The following PRKAB2 variants were observed in gnomAD, a reference collection of about 807,000 sequenced individuals.
The protein encoded by PRKAB2 is 5'-AMP-activated protein kinase subunit beta-2.
Under a neutral mutation model 29.8 loss-of-function variants are expected in PRKAB2, and 18 were observed. That is an observed-to-expected ratio of 0.60 (90% CI 0.42 to 0.89). PRKAB2 has a LOEUF of 0.89. PRKAB2 is among the 40% of genes least tolerant of loss of function. The pLI is 0.00. For synonymous variants in PRKAB2, 136 were observed against 125.9 expected, an observed-to-expected ratio of 1.08 and a Z score of -0.54; for missense variants, 270 against 344.3, an observed-to-expected ratio of 0.78 and a Z score of 1.71.
chr1:147,161,869 C>G (rs1424630790), intron 6 of PRKAB2, 89 bp from the exon 7 acceptor site: 4 of 1,075,238 alleles, frequency 3.7e-6, no homozygotes, highest in Non-Finnish European at 5.3e-6. Context: ...CCTCAGAGCT[C>G]TTTGAGAAAT....
chr1:147,172,043 CT>C lies in PRKAB2; in HGVS notation c.101del (p.Lys34ArgfsTer37). On this transcript the variant is annotated frameshift_variant, in exon 2 of 8. Transcript: ENST00000254101. LOFTEE classifies it high-confidence loss of function. ...AGGHAPGKEH[K>X]IMVGSTDDPS... ...GGTCGTCCGTACTCCCCACCATGAT[CT>C]TGTGCTCCTTCCCCGGGGCATGGCC... The C allele has an allele frequency of 6.3e-7, 1 of 1,590,086 alleles. No individual in the cohort carries two copies.
rs1015232042 is a variant in PRKAB2, at chr1:147,158,390, T to C, written c.*1175A>G. On this transcript the variant is annotated 3_prime_UTR_variant, in exon 8 of 8. Coordinates refer to ENST00000254101, the MANE Select transcript of PRKAB2 (RefSeq NM_005399.5). The stretch of plus-strand genomic sequence containing the variant: ...CTTTAGGTGCATCAAATGAGTTAAA[T>C]GAACTTGAGCAGTTTATCTAGAGCA... The C allele has an allele frequency of 2.6e-5, 4 of 152,176 alleles. No individual in the cohort carries two copies. The highest frequency in any genetic ancestry group is 7.2e-5 in the African/African-American group (3 of 41,446). The allele number at this position is 152,176 out of a possible 1,614,324, so 9.4% of individuals were successfully genotyped here. A position where few individuals can be genotyped will look rare whatever the true frequency, so the allele number is the denominator to read the frequency against.
intron 5 of PRKAB2, among the ~76,000 whole-genome samples, chr1:147,164,754 T>C (rs941350651): frequency 2.6e-5 from 4 of 152,132 alleles, no homozygotes; most frequent in Middle Eastern, 3.2e-3. Context: ...TAGTAAAAAA[T>C]GGATTATAAG....
intron 6 of PRKAB2, 50 bp from the exon 7 acceptor site, chr1:147,161,830 T>A (rs782089164): frequency 7.6e-6 from 11 of 1,445,848 alleles, no homozygotes; most frequent in Non-Finnish European, 9.5e-6. Context: ...ATGAAATTAA[T>A]GCACAGACAA....
At chr1:147,162,609 G>T (rs1553913219) in intron 5 of PRKAB2, 36 bp from the exon 6 acceptor site, 3 of 1,574,212 alleles carry the variant, frequency 1.9e-6, no homozygotes, top group Non-Finnish European at 2.6e-6. Context: ...GAAAGAGTTG[G>T]AGAATTAGCA....
intron 1 of PRKAB2, 121 bp downstream of exon 1, chr1:147,172,308 G>A (rs1412658921): frequency 1.0e-6 from 1 of 991,222 alleles, no homozygotes; most frequent in Non-Finnish European, 1.4e-6. Context: ...TCTCCCTCCT[G>A]GCCTGCGGGA....
intron 1 of PRKAB2, 24 bp downstream of exon 1, chr1:147,172,405 C>CA: frequency 1.8e-6 from 1 of 542,020 alleles, no homozygotes; most frequent in East Asian, 3.4e-5. Context: ...CGCTCACTGC[C>CA]AGGGGCGCCC....
At chr1:147,169,179 G>A (rs587654480) in intron 2 of PRKAB2, among the ~76,000 whole-genome samples, 1 of 151,730 alleles carries the variant, frequency 6.6e-6, no homozygotes, top group African/African-American at 2.4e-5. Flanking sequence ...TGAATAATGT[G>A]GGTTTTTTTT....
Position 147,166,503 on chromosome 1 carries a change from C to A in PRKAB2, c.533G>T (p.Cys178Phe), listed in dbSNP as rs1553913719. The change falls in exon 5 of 8, where the codon TGT becomes TTT. Residue 178 changes from cysteine (C) to phenylalanine (F), a missense_variant. Physicochemically the swap from Cys to Phe is radical, Grantham distance 205 (BLOSUM62 -2). Coordinates refer to ENST00000254101, the MANE Select transcript of PRKAB2 (RefSeq NM_005399.5). ...AGTAAATAATACAAAATTACCTCTA[C>A]AAGATGTCTCAGAACTTTCCATAGA... The part of the protein sequence containing the change: ...LDSMESSETS[C>F]RDLSSSPPGP... 8.7e-6 allele frequency: 14 copies of A among 1,613,268 alleles called. 1 individual carries two copies. Among genetic ancestry groups the A allele is most frequent in the Middle Eastern group, 1.7e-4 (1 of 6,046 alleles).
At chr1:147,159,695 G>C in intron 7 of PRKAB2, 53 bp from the exon 8 acceptor site, 1 of 1,487,058 alleles carries the variant, frequency 6.7e-7, no homozygotes, top group Non-Finnish European at 9.4e-7. Context: ...ACAGTAGGTA[G>C]CTCTTCCCAG....
At chr1:147,169,257 C>T (rs1265110514) in intron 2 of PRKAB2, among the ~76,000 whole-genome samples, 1 of 152,142 alleles carries the variant, frequency 6.6e-6, no homozygotes, top group East Asian at 1.9e-4. Flanking sequence ...TCCCTCCATA[C>T]ATTCTCTTGA....
At chr1:147,159,832 T>G (rs1236121803) in intron 7 of PRKAB2, among the ~76,000 whole-genome samples, 190 bp from the exon 8 acceptor site, 2 of 152,152 alleles carry the variant, frequency 1.3e-5, no homozygotes, top group Non-Finnish European at 2.9e-5. Flanking sequence ...GGTAATCTAC[T>G]TAGTGTGTCC....
In PRKAB2 at chr1:147,156,889, C is replaced by A. The variant is rs1653702116; in HGVS notation, c.*2676G>T. On this transcript the variant is annotated 3_prime_UTR_variant, in exon 8 of 8. Transcript: ENST00000254101. Reference sequence around the variant, plus strand: ...GATTTAATTTCTTTTTAAAAGAGATCATTTTCAGTTGTAAGTTACTCAACC... The same window carrying A: ...GATTTAATTTCTTTTTAAAAGAGATAATTTTCAGTTGTAAGTTACTCAACC... 1 of 152,070 alleles carries A rather than the reference C, an allele frequency of 6.6e-6. No individual in the cohort carries two copies. Among genetic ancestry groups the A allele is most frequent in the South Asian group, 2.1e-4 (1 of 4,828 alleles). The allele number at this position is 152,070 out of a possible 1,614,324, so 9.4% of individuals were successfully genotyped here.
chr1:147,165,743 A>G (rs940296988), intron 5 of PRKAB2, among the ~76,000 whole-genome samples: 1 of 151,768 alleles, frequency 6.6e-6, no homozygotes, highest in Non-Finnish European at 1.5e-5. Flanking sequence ...TTTTTTTTTA[A>G]CCAAAAATTT....
chr1:147,171,874 A>C, intron 2 of PRKAB2, 115 bp downstream of exon 2: 4 of 1,363,036 alleles, frequency 2.9e-6, no homozygotes, highest in Non-Finnish European at 4.0e-6. Flanking sequence ...AATCCCTTTA[A>C]TTCAAAAAAC....
chr1:147,167,441 T>G (rs1654304432), intron 3 of PRKAB2, among the ~76,000 whole-genome samples: 1 of 152,226 alleles, frequency 6.6e-6, no homozygotes. Context: ...TTTGCTTTAG[T>G]GCAGAAGTCA....
At chr1:147,168,360 T>A (rs909758049) in intron 2 of PRKAB2, among the ~76,000 whole-genome samples, 1 of 152,230 alleles carries the variant, frequency 6.6e-6, no homozygotes, top group South Asian at 2.1e-4. Context: ...TATATTTTTA[T>A]AGGCAAATAT....
chr1:147,162,564 C>G lies in PRKAB2; in HGVS notation c.548G>C (p.Ser183Thr), dbSNP rs368553229. 2 of 1,605,800 alleles carry G rather than the reference C, an allele frequency of 1.2e-6. No homozygotes were observed. Among genetic ancestry groups the G allele is most frequent in the East Asian group, 2.2e-5 (1 of 44,534 alleles). ...SSETSCRDLS[S>T]SPPGPYGQEM... ...TTGACCATAAGGCCCTGGGGGTGAG[C>G]TGGAAAGGTCTGAAAGATATTTATA... Residue 183 changes from serine to threonine, a missense_variant, in exon 6 of 8, where the codon AGC (serine) becomes ACC (threonine). Physicochemically the swap from Ser to Thr is moderately conservative, Grantham distance 58. Around this residue, in one of 2 missense-constraint regions of PRKAB2, gnomAD observed 228 missense variants for 255.5 expected, o/e 0.89. Coordinates refer to ENST00000254101, the MANE Select transcript of PRKAB2 (RefSeq NM_005399.5).
rs587705506 is a variant in PRKAB2, at chr1:147,157,360, G to A, written c.*2205C>T. ...GGCTCCCATTTCACATCTGGGCTGA[G>A]AGTTACCTCAGAACTTGGGAAACTG... is the stretch of plus-strand genomic sequence containing the variant. On this transcript the variant is annotated 3_prime_UTR_variant, in exon 8 of 8. Coordinates refer to ENST00000254101, the MANE Select transcript of PRKAB2 (RefSeq NM_005399.5). 6.6e-6 allele frequency: 1 copy of A among 152,230 alleles called. No homozygotes were observed. The highest frequency in any genetic ancestry group is 2.1e-4 in the South Asian group (1 of 4,824). 9.4% of individuals were successfully genotyped at this position (152,230 alleles called of 1,614,324 possible). A position where few individuals can be genotyped will look rare whatever the true frequency, so the allele number is the denominator to read the frequency against.
Sources: gnomAD v4.1 joint callset for allele counts (sites outside exome capture counted in the v4.1 genomes callset) on GRCh38, gnomAD v4.1.1 for gene constraint, gnomAD v4.1.1 regional missense constraint, MANE v1.5 for transcripts, NCBI Gene and HGNC (gene_info 2026-07-23, HGNC 2026-07-21) for gene names.